Variants in CFAP61 observed in about 807,000 individuals in gnomAD.
CFAP61 encodes the protein cilia- and flagella-associated protein 61.
In CFAP61, 107 loss-of-function variants were observed where a neutral mutation model predicts 135.6. The ratio of observed to expected loss-of-function variants is 0.79; its 90% CI spans 0.67 to 0.93. CFAP61 has a LOEUF of 0.93. CFAP61 is among the 40% of genes least tolerant of loss of function. The probability of loss-of-function intolerance (pLI) is 0.00; values close to 1 mark genes in which losing one functional copy is unlikely to be tolerated. For synonymous variants in CFAP61, 575 were observed against 578.5 expected, an observed-to-expected ratio of 0.99 and a Z score of 0.09; for missense variants, 1,507 against 1,556.2, an observed-to-expected ratio of 0.97 and a Z score of 0.53.
chr20:20,082,931 G>A lies in CFAP61; in HGVS notation c.566+7316G>A, dbSNP rs145628178. On this transcript the variant is annotated intron_variant, in intron 6 of 26. Coordinates refer to ENST00000245957, the MANE Select transcript of CFAP61 (RefSeq NM_015585.4). ...GTACAACCACTATGGAAAACAGTGT[G>A]GAGATTCCTTAAAGAACTAAAAGTA... Among the ~76,000 whole-genome samples, 15 of 152,272 alleles carry A rather than the reference G, an allele frequency of 9.9e-5. 1 individual carries two copies. The East Asian group carries it at 2.7e-3, about 27-fold the overall frequency.
chr20:20,223,070 T>G (rs1004431050), intron 17 of CFAP61, among the ~76,000 whole-genome samples: 3 of 152,214 alleles, frequency 2.0e-5, no homozygotes, highest in Non-Finnish European at 4.4e-5. Flanking sequence ...TATATACACA[T>G]GGGTGTGAGC....
chr20:20,056,767 GT>G lies in CFAP61; in HGVS notation c.117del (p.Phe39LeufsTer4). On this transcript the variant is annotated frameshift_variant, in exon 2 of 27. Coordinates refer to ENST00000245957, the MANE Select transcript of CFAP61 (RefSeq NM_015585.4). LOFTEE classifies it high-confidence loss of function. ...TTATTAGAAAATTTACCTGCAAGCT[GT>G]TTGGGAAGCTAAATATCATCTATCT... ...SLIRKFTCKLFGKLNIIYLLE... is the reference protein window; with the variant it reads ...SLIRKFTCKLXGKLNIIYLLE... 1 of 1,614,026 alleles carries G rather than the reference GT, an allele frequency of 6.2e-7. No homozygotes were observed. Among genetic ancestry groups the G allele is most frequent in the Non-Finnish European group, 8.5e-7 (1 of 1,179,908 alleles).
chr20:20,330,091 T>C (rs2057926286), intron 25 of CFAP61, among the ~76,000 whole-genome samples: 1 of 152,100 alleles, frequency 6.6e-6, no homozygotes, highest in Non-Finnish European at 1.5e-5. Context: ...CCAGTAGAAA[T>C]ATAACAGAAG....
chr20:20,158,961 C>T (rs530679637), intron 9 of CFAP61, among the ~76,000 whole-genome samples: 1 of 152,298 alleles, frequency 6.6e-6, no homozygotes, highest in East Asian at 1.9e-4. Flanking sequence ...TTTGCCATTA[C>T]TTTAATGCAA....
chr20:20,133,791 G>A (rs2050718300), intron 8 of CFAP61, among the ~76,000 whole-genome samples: 1 of 152,204 alleles, frequency 6.6e-6, no homozygotes, highest in Non-Finnish European at 1.5e-5. Context: ...TCAAGATGGT[G>A]ATTTGGGAAT....
At chr20:20,123,644 C>T (rs2049841661) in intron 8 of CFAP61, among the ~76,000 whole-genome samples, 2 of 150,570 alleles carry the variant, frequency 1.3e-5, no homozygotes, top group South Asian at 4.2e-4. Context: ...TTTGGTGACT[C>T]TCATGCTGTT....
At chr20:20,075,432 C>T in intron 5 of CFAP61, 57 bp from the exon 6 acceptor site, 2 of 1,586,434 alleles carry the variant, frequency 1.3e-6, no homozygotes, top group Non-Finnish European at 8.7e-7. Context: ...TTTGTTCTGA[C>T]ATCCCAAATT....
intron 2 of CFAP61, among the ~76,000 whole-genome samples, chr20:20,057,109 CCT>C (rs1321535675): frequency 1.4e-5 from 2 of 146,156 alleles, no homozygotes; most frequent in African/African-American, 2.6e-5. Context: ...AGAGCGGACC[CCT>C]GTCTCAATTA....
At chr20:20,290,200 G>A (rs1007933918) in intron 23 of CFAP61, 100 bp from the exon 24 acceptor site, 10 of 766,458 alleles carry the variant, frequency 1.3e-5, no homozygotes, top group Admixed American at 5.8e-5. Flanking sequence ...AGGAGCATAC[G>A]CCACTGCAGG....
chr20:20,238,508 T>C (rs1041791652), intron 18 of CFAP61, among the ~76,000 whole-genome samples: 1 of 152,246 alleles, frequency 6.6e-6, no homozygotes, highest in African/African-American at 2.4e-5. Flanking sequence ...ACAGCATTAA[T>C]TAAAGCAGTT....
intron 16 of CFAP61, among the ~76,000 whole-genome samples, chr20:20,198,525 T>C (rs576699247): frequency 6.6e-6 from 1 of 152,358 alleles, no homozygotes; most frequent in African/African-American, 2.4e-5. Context: ...ATTTCACATA[T>C]TCATTTAAAA....
Position 20,188,028 on chromosome 20 carries a change from A to G in CFAP61, c.1484A>G (p.Asp495Gly). Residue 495 changes from aspartate to glycine, a missense_variant, in exon 14 of 27, where the codon GAC (aspartate) becomes GGC (glycine). Physicochemically the swap from Asp to Gly is moderately conservative, Grantham distance 94. Transcript: ENST00000245957. ...AATAAAAGCATATTGGAGGACTTAG[A>G]CCGTTACAACAAGGCTCGCAAAGAC... is the stretch of plus-strand genomic sequence containing the variant. ...MLNKSILEDL[D>G]RYNKARKDPD... The G allele has an allele frequency of 6.2e-7, 1 of 1,614,202 alleles. No individual in the cohort carries two copies. The highest frequency in any genetic ancestry group is 8.5e-7 in the Non-Finnish European group (1 of 1,180,018).
At chr20:20,083,564 TTTAACTC>T (rs1205153387) in intron 6 of CFAP61, among the ~76,000 whole-genome samples, 4 of 152,212 alleles carry the variant, frequency 2.6e-5, no homozygotes, top group Admixed American at 6.5e-5. Context: ...ATTACAAACT[TTTAACTC>T]TTAAGGCAAT....
intron 16 of CFAP61, among the ~76,000 whole-genome samples, chr20:20,199,004 T>G (rs2056459959): frequency 6.6e-6 from 1 of 152,216 alleles, no homozygotes; most frequent in South Asian, 2.1e-4. Flanking sequence ...CCCCTAAGAT[T>G]TCATAAATGT....
At chr20:20,346,297 G>C (rs1335684926) in intron 26 of CFAP61, among the ~76,000 whole-genome samples, 12 of 149,034 alleles carry the variant, frequency 8.1e-5, no homozygotes, top group African/African-American at 2.2e-4. Context: ...CAGGTGGATC[G>C]CCCGAGGTCA....
chr20:20,090,718 A>T (rs57605712), intron 6 of CFAP61, 126 bp from the exon 7 acceptor site: 132,250 of 677,438 alleles, frequency 0.2, 16,459 homozygotes, highest in Non-Finnish European at 0.23. Flanking sequence ...AAAAAGAAGG[A>T]AAGTTGATAT....
At chr20:20,065,884 G>A (rs1287679763) in intron 2 of CFAP61, among the ~76,000 whole-genome samples, 3 of 152,128 alleles carry the variant, frequency 2.0e-5, no homozygotes, top group African/African-American at 7.2e-5. Context: ...AAACTCTGAG[G>A]TTTCTGGGTG....
In CFAP61 at chr20:20,169,329, C is replaced by T; in HGVS notation, c.1254C>T (p.Asn418=). The T allele has an allele frequency of 3.1e-6, 5 of 1,613,480 alleles. No homozygotes were observed. The highest frequency in any genetic ancestry group is 4.2e-6 in the Non-Finnish European group (5 of 1,179,698). Residue 418 remains asparagine, a synonymous_variant, in exon 13 of 27, where the codon AAC becomes AAT. Coordinates refer to ENST00000245957, the MANE Select transcript of CFAP61 (RefSeq NM_015585.4). ...NFVFSLFSDK[N]FCVISLPHLT... ...GTTTTTGATGATGTTAGGATAAGAA[C>T]TTCTGTGTAATTTCTCTGCCCCATC...
chr20:20,101,528 GTCTTA>G (rs2048018757), intron 8 of CFAP61, among the ~76,000 whole-genome samples: 1 of 152,156 alleles, frequency 6.6e-6, no homozygotes, highest in Non-Finnish European at 1.5e-5. Flanking sequence ...GCAAGGTAAC[GTCTTA>G]TCTTGGATGG....
Sources: gnomAD v4.1 joint callset for allele counts (sites outside exome capture counted in the v4.1 genomes callset) on GRCh38, gnomAD v4.1.1 for gene constraint, MANE v1.5 for transcripts, NCBI Gene and HGNC (gene_info 2026-07-23, HGNC 2026-07-21) for gene names.